POLR1C: variants seen among roughly 807,000 people sequenced by gnomAD.
The protein encoded by POLR1C is DNA-directed RNA polymerases I and III subunit RPAC1.
A neutral mutation model predicts 38.3 loss-of-function variants in POLR1C; 42 were observed. The observed-to-expected ratio is 1.10, with a 90% CI of 0.86 to 1.42. POLR1C has a LOEUF of 1.42. Ranked by LOEUF, POLR1C falls within the 40% of genes most tolerant of loss-of-function variation. The pLI, the probability that POLR1C is intolerant of heterozygous loss-of-function variation, is 0.00. For synonymous variants in POLR1C, 163 were observed against 163.9 expected, an observed-to-expected ratio of 0.99 and a Z score of 0.04; for missense variants, 507 against 450.5, an observed-to-expected ratio of 1.13 and a Z score of -1.14.
intron 10 of POLR1C, among the ~76,000 whole-genome samples, chr6:43,554,466 C>T (rs1349320780): frequency 1.3e-5 from 2 of 150,940 alleles, no homozygotes; most frequent in Non-Finnish European, 2.9e-5. Context: ...CGCTCTTTGC[C>T]CAGGCTGGAG....
In POLR1C at chr6:43,520,350, T is replaced by C. The variant is rs1047400506; in HGVS notation, c.578T>C (p.Val193Ala). 3 of 1,613,566 alleles carry C rather than the reference T, an allele frequency of 1.9e-6. No homozygotes were observed. The highest frequency in any genetic ancestry group is 2.5e-6 in the Non-Finnish European group (3 of 1,180,036). ...DLFPEGTIRP[V>A]HDDILIAQLR... Reference sequence around the variant, plus strand: ...TTTCCAGAGGGCACTATCCGACCAGTGCATGATGATATCCTCATCGCTCAG... The same window carrying C: ...TTTCCAGAGGGCACTATCCGACCAGCGCATGATGATATCCTCATCGCTCAG... Residue 193 changes from valine (V) to alanine (A), a missense_variant, in exon 6 of 9, where the codon GTG becomes GCG. By Grantham distance (64) the Val-to-Ala change is moderately conservative. Transcript: ENST00000642195.
At chr6:43,559,821 T>C (rs1762311173) in intron 10 of POLR1C, among the ~76,000 whole-genome samples, 1 of 152,216 alleles carries the variant, frequency 6.6e-6, no homozygotes, top group Non-Finnish European at 1.5e-5. Flanking sequence ...CAGTCTTTTT[T>C]ATGTTTCCCC....
At chr6:43,558,866 G>A (rs1762253684) in intron 10 of POLR1C, 1 of 323,054 alleles carries the variant, frequency 3.1e-6, no homozygotes, top group Middle Eastern at 9.0e-4. Context: ...AAGGTCCCCA[G>A]AAAAAATGAC....
At chr6:43,554,674 C>T (rs1435432613) in intron 10 of POLR1C, among the ~76,000 whole-genome samples, 10 of 152,096 alleles carry the variant, frequency 6.6e-5, no homozygotes, top group African/African-American at 2.2e-4. Context: ...TCCCCAGCCT[C>T]GGCCTCCTGA....
chr6:43,552,933 G>C (rs1406180216), intron 10 of POLR1C, among the ~76,000 whole-genome samples: 2 of 152,142 alleles, frequency 1.3e-5, no homozygotes, highest in African/African-American at 4.8e-5. Flanking sequence ...CCATTTATTA[G>C]CTGTTTGAAC....
intron 8 of POLR1C, chr6:43,526,801 C>T: frequency 1.3e-6 from 2 of 1,570,716 alleles, no homozygotes; most frequent in Non-Finnish European, 1.7e-6. Flanking sequence ...ACTACCACAA[C>T]AGCCACCTCA....
chr6:43,539,032 G>A (rs1182185022), intron 9 of POLR1C: 11 of 1,546,518 alleles, frequency 7.1e-6, no homozygotes, highest in African/African-American at 2.7e-5. Flanking sequence ...CCTGGGCTGA[G>A]GTGTAGCAGT....
chr6:43,560,536 CTT>C (rs1025106204), intron 10 of POLR1C, among the ~76,000 whole-genome samples: 2 of 152,120 alleles, frequency 1.3e-5, no homozygotes, highest in Admixed American at 1.3e-4. Flanking sequence ...ACTACTTTCT[CTT>C]CTTTGCAAAA....
intron 9 of POLR1C, among the ~76,000 whole-genome samples, chr6:43,542,857 A>G (rs146166977): frequency 8.1e-4 from 124 of 152,258 alleles, no homozygotes; most frequent in African/African-American, 2.7e-3. Flanking sequence ...TAGGAATTCT[A>G]CTCCTATGTG....
At chr6:43,554,441 T>C (rs1582230075) in intron 10 of POLR1C, among the ~76,000 whole-genome samples, 1 of 149,744 alleles carries the variant, frequency 6.7e-6, no homozygotes, top group African/African-American at 2.5e-5. Context: ...TTTTTTCTTT[T>C]TTGAGATGGA....
chr6:43,525,586 G>A, downstream of POLR1C: 1 of 534,576 alleles, frequency 1.9e-6, no homozygotes, highest in Non-Finnish European at 3.3e-6. Context: ...CTGGCTTGGG[G>A]AGGCTAAACA....
rs918045040 is a variant in POLR1C at position 43,553,416 on chromosome 6, A to G, written c.*48+2405A>G. 11 of 1,605,322 alleles carry G rather than the reference A, an allele frequency of 6.9e-6. No individual in the cohort carries two copies. Among genetic ancestry groups the G allele is most frequent in the African/African-American group, 1.3e-5 (1 of 74,780 alleles). ...AAACATCTGGGTGATAACACTTTCC[A>G]AAAAAAGAGTCATGGCTTCCCACTG... On this transcript the variant is annotated intron_variant, in intron 10 of 10. Coordinates refer to the POLR1C transcript ENST00000607635.
At chr6:43,536,893 T>C (rs778856117) in intron 9 of POLR1C, among the ~76,000 whole-genome samples, 2 of 150,952 alleles carry the variant, frequency 1.3e-5, no homozygotes, top group Non-Finnish European at 2.9e-5. Context: ...ACAGACAATA[T>C]GGTGTCTGTC....
At chr6:43,519,292 G>T (rs1419194993) in intron 2 of POLR1C, 41 bp from the exon 3 acceptor site, 1 of 1,207,090 alleles carries the variant, frequency 8.3e-7, no homozygotes, top group Non-Finnish European at 1.2e-6. Context: ...ATATTACACA[G>T]AGAGCAGATT....
chr6:43,543,673 AT>A (rs111929412), intron 9 of POLR1C, among the ~76,000 whole-genome samples: 5 of 149,828 alleles, frequency 3.3e-5, no homozygotes, highest in East Asian at 1.9e-4. Flanking sequence ...AATTTATTTA[AT>A]TTTTTTTTTC....
At chr6:43,522,835 C>A, downstream of POLR1C, 1 of 303,984 alleles carries the variant, frequency 3.3e-6, no homozygotes, top group Non-Finnish European at 7.6e-6. Context: ...GGTCCCGTAT[C>A]CATGTCCTCT....
intron 9 of POLR1C, chr6:43,549,661 C>A: frequency 6.8e-7 from 1 of 1,470,142 alleles, no homozygotes; most frequent in South Asian, 1.3e-5. Flanking sequence ...ATATCTCAGT[C>A]AGGGGCAAAT....
At chr6:43,538,771 CTTT>C in intron 9 of POLR1C, 4 of 532,638 alleles carry the variant, frequency 7.5e-6, no homozygotes, top group Non-Finnish European at 9.2e-6. Flanking sequence ...CTACATTTTT[CTTT>C]TTTTTTTTCC....
At position 43,519,067 on chromosome 6, in the gene POLR1C, T is replaced by C. The variant is rs1291642505; in HGVS notation, c.142-266T>C. On this transcript the variant is annotated intron_variant, in intron 2 of 8. Transcript: ENST00000642195. ...TCAACAAAACTAAGCACTATGGTAG[T>C]TTCTGTTCTTCAGTAGAATAGCTTC... The C allele has an allele frequency of 8.3e-5, 42 of 507,432 alleles. 1 individual carries two copies. Among genetic ancestry groups the C allele is most frequent in the Admixed American group, 1.9e-4 (6 of 31,242 alleles). The allele number at this position is 507,432 out of a possible 1,614,324, so 31.4% of individuals were successfully genotyped here.
Sources: allele counts gnomAD v4.1 joint callset (sites outside exome capture counted in the v4.1 genomes callset), GRCh38; gene constraint gnomAD v4.1.1; transcripts MANE v1.5; gene names NCBI Gene and HGNC (gene_info 2026-07-23, HGNC 2026-07-21).